The following PDE11A variants were observed in gnomAD, a reference collection of about 807,000 sequenced individuals.
PDE11A encodes dual 3',5'-cyclic-AMP and -GMP phosphodiesterase 11A.
PDE11A carries 100 observed loss-of-function variants against 100.5 expected under a neutral mutation model. The observed-to-expected ratio is 1.00, with a 90% CI of 0.85 to 1.18. The LOEUF (loss-of-function observed/expected upper bound fraction) is 1.18. PDE11A is among the 50% of genes most tolerant of loss of function. PDE11A has a pLI of 0.00. For synonymous variants in PDE11A, 381 were observed against 420.8 expected (o/e 0.91, Z 1.16); for missense variants, 1,141 against 1,152.6 (o/e 0.99, Z 0.15).
At chr2:177,659,269 A>G (rs1453162048) in intron 19 of PDE11A, among the ~76,000 whole-genome samples, 3 of 15,726 alleles carry the variant, frequency 1.9e-4, no homozygotes, top group African/African-American at 2.5e-4. Flanking sequence ...CTCAGGGGGA[A>G]AAAAAAAAAA....
intron 2 of PDE11A, among the ~76,000 whole-genome samples, chr2:177,916,960 T>C (rs2105749038): frequency 6.9e-6 from 1 of 144,920 alleles, no homozygotes; most frequent in Non-Finnish European, 1.5e-5. Context: ...GTATTTTTAG[T>C]AGAGATGGGG....
At chr2:177,753,048 A>G (rs373499969) in intron 10 of PDE11A, among the ~76,000 whole-genome samples, 11 of 152,202 alleles carry the variant, frequency 7.2e-5, no homozygotes, top group African/African-American at 2.7e-4. Context: ...GGCAGTGAAG[A>G]ACGTATATTC....
rs2082388135 is a variant in PDE11A, at chr2:177,777,059, T to C, written c.1738-7686A>G. Among the ~76,000 whole-genome samples, 3 of 152,158 alleles carry C rather than the reference T, an allele frequency of 2.0e-5. No homozygotes were observed. In the South Asian group the frequency reaches 6.2e-4, roughly 32 times the overall value. On this transcript the variant is annotated intron_variant, in intron 9 of 19. Coordinates refer to ENST00000286063, the MANE Select transcript of PDE11A (RefSeq NM_016953.4). Reference sequence around the variant, plus strand: ...GACATGTTTGCTTCCCTTCTGCTGATTGTAAGTTTCCTGAGGCCTCCCCAG... The same window carrying C: ...GACATGTTTGCTTCCCTTCTGCTGACTGTAAGTTTCCTGAGGCCTCCCCAG...
At chr2:177,854,570 T>G (rs1325890007) in intron 5 of PDE11A, among the ~76,000 whole-genome samples, 1 of 152,088 alleles carries the variant, frequency 6.6e-6, no homozygotes, top group Non-Finnish European at 1.5e-5. Context: ...CCCAGAAGTA[T>G]CAAAGCAACA....
intron 15 of PDE11A, among the ~76,000 whole-genome samples, chr2:177,689,906 G>C (rs143096584): frequency 2.0e-5 from 3 of 152,250 alleles, no homozygotes; most frequent in Non-Finnish European, 4.4e-5. Context: ...TAGAAGGAGC[G>C]CACTCCAGCT....
intron 2 of PDE11A, among the ~76,000 whole-genome samples, chr2:177,923,780 G>C (rs994745638): frequency 1.3e-5 from 2 of 152,170 alleles, no homozygotes; most frequent in Non-Finnish European, 2.9e-5. Context: ...AGAATTCTCA[G>C]TGTTACCTCA....
intron 9 of PDE11A, among the ~76,000 whole-genome samples, chr2:177,815,453 T>C (rs1444552147): frequency 2.0e-5 from 3 of 152,182 alleles, no homozygotes; most frequent in African/African-American, 7.2e-5. Flanking sequence ...ATCTTATAGA[T>C]ACTGTTTTTA....
chr2:177,634,088 C>A (rs1213212029), intron 19 of PDE11A, among the ~76,000 whole-genome samples: 2 of 152,136 alleles, frequency 1.3e-5, no homozygotes, highest in Non-Finnish European at 2.9e-5. Flanking sequence ...ATAGCACCTG[C>A]CCATGATTCG....
Position 177,889,453 on chromosome 2 carries a change from A to G in PDE11A, c.1302+8605T>C, listed in dbSNP as rs551104276. 1.4e-4 allele frequency among the ~76,000 whole-genome samples: 21 copies of G among 152,166 alleles called. No homozygotes were observed. The East Asian group carries it at 3.3e-3, about 24-fold the overall frequency. ...GTAAATCCAAGATTGCCTTTATTTC[A>G]GTAAAATGTCCTAGTGTTATAATTT... On this transcript the variant is annotated intron_variant, in intron 4 of 19. Coordinates refer to ENST00000286063, the MANE Select transcript of PDE11A (RefSeq NM_016953.4).
intron 9 of PDE11A, among the ~76,000 whole-genome samples, chr2:177,805,044 T>TC (rs2082849126): frequency 6.6e-6 from 1 of 151,508 alleles, no homozygotes; most frequent in Non-Finnish European, 1.5e-5. Flanking sequence ...TATATCCATG[T>TC]AAGAAATCTG....
intron 17 of PDE11A, among the ~76,000 whole-genome samples, chr2:177,672,969 T>G (rs7577552): frequency 0.83 from 125,520 of 152,022 alleles, 52,343 homozygotes; most frequent in East Asian, 0.98. Context: ...ATGGCTCGAT[T>G]AAATGATTTA....
intron 18 of PDE11A, among the ~76,000 whole-genome samples, chr2:177,666,692 A>T (rs1166592463): frequency 6.6e-6 from 1 of 151,316 alleles, no homozygotes; most frequent in Admixed American, 6.6e-5. Context: ...CCATTTACAT[A>T]TTTTCTTTGG....
At chr2:178,077,509 C>T (rs1288549128), upstream of PDE11A, among the ~76,000 whole-genome samples, 1 of 152,130 alleles carries the variant, frequency 6.6e-6, no homozygotes, top group Non-Finnish European at 1.5e-5. Context: ...AGCCTGCTTT[C>T]CTTAATTCAA....
At chr2:177,674,234 A>T (rs906732792) in intron 17 of PDE11A, among the ~76,000 whole-genome samples, 7 of 152,196 alleles carry the variant, frequency 4.6e-5, no homozygotes, top group Admixed American at 3.9e-4. Context: ...CCATTTGTGA[A>T]ATGGGGATAA....
chr2:177,934,016 A>T (rs1262193082), intron 2 of PDE11A, among the ~76,000 whole-genome samples: 3 of 152,210 alleles, frequency 2.0e-5, no homozygotes, highest in African/African-American at 7.2e-5. Context: ...AAAACTTCAA[A>T]CTGTAAGAAT....
At chr2:177,767,557 G>T (rs560251297) in intron 10 of PDE11A, among the ~76,000 whole-genome samples, 5 of 151,956 alleles carry the variant, frequency 3.3e-5, no homozygotes, top group Non-Finnish European at 5.9e-5. Context: ...TCATAAATAG[G>T]ATTCCTAAAT....
chr2:178,035,659 C>T (rs1300766789), intron 1 of PDE11A, among the ~76,000 whole-genome samples: 1 of 152,182 alleles, frequency 6.6e-6, no homozygotes, highest in East Asian at 1.9e-4. Context: ...TCCAGCAGCA[C>T]ATCAAAAAGC....
chr2:177,889,761 G>A (rs1435231964), intron 4 of PDE11A, among the ~76,000 whole-genome samples: 3 of 149,366 alleles, frequency 2.0e-5, no homozygotes, highest in Non-Finnish European at 3.0e-5. Context: ...CTTTTATACT[G>A]CTTATCATTT....
At chr2:178,011,849 C>T (rs985778262) in intron 2 of PDE11A, 2 of 152,216 alleles carry the variant, frequency 1.3e-5, no homozygotes, top group Non-Finnish European at 2.9e-5. Context: ...AGCTAAGTAA[C>T]TTGCCCAAGG....
Sources: gnomAD v4.1 joint callset for allele counts (sites outside exome capture counted in the v4.1 genomes callset) on GRCh38, gnomAD v4.1.1 for gene constraint, MANE v1.5 for transcripts, NCBI Gene and HGNC (gene_info 2026-07-23, HGNC 2026-07-21) for gene names.